TAFA4: variants seen among roughly 807,000 people sequenced by gnomAD.
The protein encoded by TAFA4 is TAFA chemokine like family member 4, also known as chemokine-like protein TAFA-4.
A neutral mutation model predicts 21.1 loss-of-function variants in TAFA4; 20 were observed. The observed-to-expected ratio is 0.95, with a 90% CI of 0.67 to 1.38. The LOEUF is 1.38. TAFA4 is among the 40% of genes most tolerant of loss of function. The pLI is 0.00. For synonymous variants in TAFA4, 71 were observed against 67.4 expected (o/e 1.05, Z -0.26); for missense variants, 211 against 180.9 (o/e 1.17, Z -0.95).
intron 3 of TAFA4, among the ~76,000 whole-genome samples, chr3:68,835,401 C>G (rs1254037989): frequency 6.6e-6 from 1 of 152,176 alleles, no homozygotes; most frequent in African/African-American, 2.4e-5. Flanking sequence ...ACCTGATGCA[C>G]AGTCAGTATT....
chr3:68,807,182 A>G (rs1036068008), intron 3 of TAFA4, among the ~76,000 whole-genome samples: 1 of 152,220 alleles, frequency 6.6e-6, no homozygotes, highest in Non-Finnish European at 1.5e-5. Context: ...CATGTGCCTG[A>G]AATTTCAAAA....
intron 3 of TAFA4, among the ~76,000 whole-genome samples, chr3:68,806,941 A>C (rs1331573010): frequency 6.6e-6 from 1 of 152,192 alleles, no homozygotes; most frequent in Non-Finnish European, 1.5e-5. Flanking sequence ...TAAGGCATTT[A>C]CTGAGTGCTA....
intron 3 of TAFA4, among the ~76,000 whole-genome samples, chr3:68,837,911 A>T (rs1265818045): frequency 1.3e-5 from 2 of 152,072 alleles, no homozygotes; most frequent in African/African-American, 4.8e-5. Flanking sequence ...ATTCAACTAT[A>T]TCTATGGTAT....
chr3:68,733,237 T>C (rs761494231), intron 5 of TAFA4, 84 bp from the exon 6 acceptor site: 10 of 1,515,442 alleles, frequency 6.6e-6, no homozygotes, highest in Non-Finnish European at 9.0e-6. Flanking sequence ...AATAAGGTCC[T>C]GACTGTGAAT....
intron 1 of TAFA4, among the ~76,000 whole-genome samples, chr3:68,918,322 C>T (rs1034283971): frequency 6.6e-6 from 1 of 152,104 alleles, no homozygotes; most frequent in Non-Finnish European, 1.5e-5. Context: ...CACTGTCAAC[C>T]GTCATCCTCT....
At chr3:68,882,191 T>C (rs1277168577) in intron 2 of TAFA4, among the ~76,000 whole-genome samples, 2 of 152,170 alleles carry the variant, frequency 1.3e-5, no homozygotes, top group African/African-American at 2.4e-5. Flanking sequence ...TAATTTGCAA[T>C]GCAGCAATAA....
chr3:68,781,358 G>T (rs949418898), intron 3 of TAFA4, among the ~76,000 whole-genome samples: 19 of 151,566 alleles, frequency 1.3e-4, no homozygotes, highest in Non-Finnish European at 1.9e-4. Flanking sequence ...TCTTCAAAAG[G>T]CCAGTTAAAT....
chr3:68,909,467 T>C (rs1237671173), intron 1 of TAFA4, among the ~76,000 whole-genome samples: 1 of 152,016 alleles, frequency 6.6e-6, no homozygotes, highest in Admixed American at 6.6e-5. Context: ...ACTGAATGAG[T>C]GAATGGCTCA....
intron 1 of TAFA4, among the ~76,000 whole-genome samples, chr3:68,917,444 T>C (rs2090013925): frequency 6.6e-6 from 1 of 152,042 alleles, no homozygotes; most frequent in African/African-American, 2.4e-5. Flanking sequence ...TGTGTGTCAG[T>C]GTGGAACAGA....
chr3:68,750,362 G>A (rs1702537829), intron 4 of TAFA4, among the ~76,000 whole-genome samples: 1 of 152,186 alleles, frequency 6.6e-6, no homozygotes, highest in Non-Finnish European at 1.5e-5. Context: ...ATGCTATGGA[G>A]CAATTGAAAA....
intron 3 of TAFA4, among the ~76,000 whole-genome samples, chr3:68,814,944 T>C (rs1703932600): frequency 1.3e-5 from 2 of 152,258 alleles, no homozygotes; most frequent in South Asian, 2.1e-4. Flanking sequence ...CAAAACAGCA[T>C]GGTGCAGGTA....
At chr3:68,811,942 C>A (rs1703850233) in intron 3 of TAFA4, among the ~76,000 whole-genome samples, 1 of 152,072 alleles carries the variant, frequency 6.6e-6, no homozygotes, top group African/African-American at 2.4e-5. Flanking sequence ...GGGTTACCCA[C>A]AAAGGGAAGC....
At chr3:68,739,020 G>T in intron 5 of TAFA4, 55 bp downstream of exon 5, 1 of 1,598,932 alleles carries the variant, frequency 6.3e-7, no homozygotes, top group South Asian at 1.1e-5. Context: ...ATCAAGGGGA[G>T]AAAGCCCCAC....
At chr3:68,905,637 G>C (rs1029324259) in intron 1 of TAFA4, among the ~76,000 whole-genome samples, 1 of 152,166 alleles carries the variant, frequency 6.6e-6, no homozygotes, top group Non-Finnish European at 1.5e-5. Flanking sequence ...TGACAAGGAG[G>C]AGACAGACCA....
chr3:68,922,086 A>G (rs1224506446), intron 1 of TAFA4, among the ~76,000 whole-genome samples: 1 of 152,258 alleles, frequency 6.6e-6, no homozygotes, highest in Non-Finnish European at 1.5e-5. Flanking sequence ...AACATATGAC[A>G]AAATGAGAAA....
chr3:68,755,706 G>GC (rs1420707051), intron 3 of TAFA4, among the ~76,000 whole-genome samples: 1 of 152,194 alleles, frequency 6.6e-6, no homozygotes, highest in Non-Finnish European at 1.5e-5. Context: ...CCTGGCATGA[G>GC]CAGCCCTACA....
chr3:68,859,008 G>C (rs2089290188), intron 3 of TAFA4, among the ~76,000 whole-genome samples: 1 of 151,636 alleles, frequency 6.6e-6, no homozygotes, highest in African/African-American at 2.4e-5. Flanking sequence ...GGGAGCTGGG[G>C]GGCAGCCAGA....
At chr3:68,921,614 C>A (rs1179390520) in intron 1 of TAFA4, among the ~76,000 whole-genome samples, 1 of 152,184 alleles carries the variant, frequency 6.6e-6, no homozygotes, top group African/African-American at 2.4e-5. Flanking sequence ...ATCTTCTGGT[C>A]CTGACTAAAT....
At chr3:68,903,183 G>A (rs762159040) in intron 1 of TAFA4, among the ~76,000 whole-genome samples, 7 of 151,840 alleles carry the variant, frequency 4.6e-5, no homozygotes, top group Non-Finnish European at 8.8e-5. Context: ...GCAAAGGGTC[G>A]CCCACCCACC....
Sources: allele counts gnomAD v4.1 joint callset (sites outside exome capture counted in the v4.1 genomes callset), GRCh38; gene constraint gnomAD v4.1.1; transcripts MANE v1.5; gene names NCBI Gene and HGNC (gene_info 2026-07-23, HGNC 2026-07-21).